SLC15A2: variants seen among roughly 807,000 people sequenced by gnomAD.
SLC15A2 encodes kidney H(+)/peptide cotransporter.
In SLC15A2, 77 loss-of-function variants were observed where a neutral mutation model predicts 95.5. The ratio of observed to expected loss-of-function variants is 0.81; its 90% CI spans 0.67 to 0.97. The LOEUF is 0.97. Among genes scored for constraint, SLC15A2 ranks in the 50% least tolerant of loss-of-function variants. The probability of loss-of-function intolerance (pLI) is 0.00; values close to 1 mark genes in which losing one functional copy is unlikely to be tolerated. For missense variants in SLC15A2, 893 were observed against 874.4 expected, an observed-to-expected ratio of 1.02 and a Z score of -0.27; for synonymous variants, 306 against 306.9, an observed-to-expected ratio of 1.00 and a Z score of 0.03.
chr3:121,940,552 C>G (rs899351654), intron 21 of SLC15A2, 64 bp downstream of exon 21: 4 of 1,328,346 alleles, frequency 3.0e-6, no homozygotes, highest in African/African-American at 2.9e-5. Flanking sequence ...TTCTCTTCTC[C>G]CTTTCCCCCA....
At chr3:121,931,406 T>G (rs1399362178) in intron 18 of SLC15A2, among the ~76,000 whole-genome samples, 1 of 152,234 alleles carries the variant, frequency 6.6e-6, no homozygotes, top group Non-Finnish European at 1.5e-5. Context: ...TGTAACTTCT[T>G]TATTTAGGTT....
rs778884331 is a variant in SLC15A2 at position 121,896,466 on chromosome 3, G to A, written c.166G>A (p.Glu56Lys). Residue 56 changes from glutamate to lysine, a missense_variant, in exon 2 of 22, where the codon GAG (glutamate) becomes AAG (lysine). Coordinates refer to ENST00000489711, the MANE Select transcript of SLC15A2 (RefSeq NM_021082.4). ...IAFIVVNEFC[E>K]RFSYYGMKAV... ...CTTCATTGTGGTGAATGAATTCTGC[G>A]AGCGCTTTTCCTATTATGGAATGAA... is the stretch of plus-strand genomic sequence containing the variant. 40 of 1,613,886 alleles carry A rather than the reference G, an allele frequency of 2.5e-5. No homozygotes were observed. Among genetic ancestry groups the A allele is most frequent in the African/African-American group, 1.1e-4 (8 of 74,886 alleles).
chr3:121,913,286 A>C (rs925989531), intron 5 of SLC15A2, among the ~76,000 whole-genome samples, 166 bp downstream of exon 5: 2 of 152,242 alleles, frequency 1.3e-5, no homozygotes, highest in African/African-American at 4.8e-5. Flanking sequence ...GAAAACTGAA[A>C]CAGTTTCAAA....
rs888918886 is a variant in SLC15A2 at position 121,931,705 on chromosome 3, T to C, written c.1731T>C (p.Phe577=). 7 of 1,612,898 alleles carry C rather than the reference T, an allele frequency of 4.3e-6. No individual in the cohort carries two copies. The highest frequency in any genetic ancestry group is 5.9e-6 in the Non-Finnish European group (7 of 1,178,928). ...CTCTGAATTTGGGTCTTCTAGACTTTGGTGCAGCATATCTGTTTGTTATTA... is the reference window on the plus strand; with the variant it reads ...CTCTGAATTTGGGTCTTCTAGACTTCGGTGCAGCATATCTGTTTGTTATTA... ...NFSLNLGLLD[F]GAAYLFVITN... is the part of the protein sequence containing the mutation. Residue 577 remains phenylalanine, a synonymous_variant, in exon 19 of 22, where the codon TTT becomes TTC. Coordinates refer to ENST00000489711, the MANE Select transcript of SLC15A2 (RefSeq NM_021082.4).
intron 21 of SLC15A2, 141 bp from the exon 22 acceptor site, chr3:121,940,690 C>A: frequency 1.1e-6 from 1 of 904,126 alleles, no homozygotes; most frequent in Non-Finnish European, 1.7e-6. Flanking sequence ...TGAGGAGAGG[C>A]CAGTGAACCC....
At chr3:121,930,149 T>A (rs1451766044) in intron 17 of SLC15A2, among the ~76,000 whole-genome samples, 1 of 152,174 alleles carries the variant, frequency 6.6e-6, no homozygotes. Context: ...AGTCTAGGAA[T>A]CAACATTCAG....
chr3:121,923,294 T>A (rs758031174), intron 11 of SLC15A2, 28 bp downstream of exon 11: 108 of 1,599,288 alleles, frequency 6.8e-5, no homozygotes, highest in Non-Finnish European at 9.0e-5. Flanking sequence ...TCCAGAGAAG[T>A]CTATTATTTT....
intron 7 of SLC15A2, among the ~76,000 whole-genome samples, chr3:121,916,532 C>T (rs890318325): frequency 6.6e-6 from 1 of 152,156 alleles, no homozygotes; most frequent in Non-Finnish European, 1.5e-5. Flanking sequence ...GATAGTAGTA[C>T]TCAGAATTCC....
chr3:121,901,591 T>G (rs1257785252), intron 3 of SLC15A2, among the ~76,000 whole-genome samples: 1 of 152,132 alleles, frequency 6.6e-6, no homozygotes, highest in Non-Finnish European at 1.5e-5. Context: ...GTCATGTTTG[T>G]GTGTGTGTGC....
At chr3:121,924,527 A>G (rs1403491964) in intron 12 of SLC15A2, 144 bp downstream of exon 12, 26 of 768,498 alleles carry the variant, frequency 3.4e-5, no homozygotes, top group South Asian at 3.2e-4. Flanking sequence ...AAACATTCCC[A>G]TTAAGCCCCA....
At chr3:121,911,969 TA>T (rs764964659) in intron 4 of SLC15A2, among the ~76,000 whole-genome samples, 7 of 152,018 alleles carry the variant, frequency 4.6e-5, no homozygotes, top group African/African-American at 1.4e-4. Context: ...TTACCAGGGT[TA>T]AAAAAAACTC....
chr3:121,918,105 G>A (rs1477695350), intron 7 of SLC15A2, among the ~76,000 whole-genome samples: 1 of 152,158 alleles, frequency 6.6e-6, no homozygotes, highest in Non-Finnish European at 1.5e-5. Flanking sequence ...GATTGTGTTG[G>A]AGTGAGGCAA....
chr3:121,923,067 C>T lies in SLC15A2; in HGVS notation c.895C>T (p.Leu299=), dbSNP rs35052327. 49 of 1,613,920 alleles carry T rather than the reference C, an allele frequency of 3.0e-5. No individual in the cohort carries two copies. In the African/African-American group the frequency reaches 5.1e-4, roughly 17 times the overall value. The change falls in exon 10 of 22, where the codon CTG becomes TTG. Residue 299 remains leucine (L), a synonymous_variant. Transcript: ENST00000489711. The part of the protein sequence containing the change: ...PKQLIMDVKA[L]TRVLFLYIPL... ...GCAGCTCATTATGGATGTAAAGGCA[C>T]TGACCAGGGTACTATTCCTTTATAT... is the stretch of plus-strand genomic sequence containing the variant.
chr3:121,901,303 C>A (rs773363119), intron 3 of SLC15A2, among the ~76,000 whole-genome samples: 13 of 152,176 alleles, frequency 8.5e-5, no homozygotes, highest in African/African-American at 1.2e-4. Flanking sequence ...AAGTGTGAGC[C>A]ACTGTGCCCG....
rs1559856968 is a variant in SLC15A2 at position 121,940,867 on chromosome 3, GTGATCTGCC to G, written c.2057_2065del (p.Cys686_Ile688del). ...CATTTTGTTTTCCTGCCTCCTGCTG[GTGATCTGCC>G]TGATCTTCTCCATCATGGGCTACTA... On this transcript the variant is annotated inframe_deletion, in exon 22 of 22. Transcript: ENST00000489711. 1 of 1,613,454 alleles carries G rather than the reference GTGATCTGCC, an allele frequency of 6.2e-7. No homozygotes were observed. The highest frequency in any genetic ancestry group is 1.7e-5 in the Admixed American group (1 of 59,854).
intron 13 of SLC15A2, 189 bp from the exon 14 acceptor site, chr3:121,927,569 G>C (rs1347884479): frequency 1.9e-6 from 1 of 515,830 alleles, no homozygotes; most frequent in African/African-American, 1.9e-5. Flanking sequence ...CCAGCACTGT[G>C]CTTCCTGTAA....
At chr3:121,915,070 T>A in intron 5 of SLC15A2, 157 bp from the exon 6 acceptor site, 1 of 1,177,718 alleles carries the variant, frequency 8.5e-7, no homozygotes, top group Non-Finnish European at 1.1e-6. Context: ...CAGCCAGCAA[T>A]GTTTTTAAAT....
intron 19 of SLC15A2, among the ~76,000 whole-genome samples, chr3:121,938,445 G>T (rs1446979175): frequency 6.6e-6 from 1 of 152,240 alleles, no homozygotes; most frequent in East Asian, 1.9e-4. Context: ...CTCCCAGCCA[G>T]GTGTGGGATA....
intron 1 of SLC15A2, 67 bp downstream of exon 1, chr3:121,894,648 G>C (rs1709385523): frequency 2.5e-6 from 3 of 1,210,482 alleles, no homozygotes; most frequent in Middle Eastern, 1.9e-4. Context: ...TCTTCCTTGG[G>C]CTCTGGAGCT....
Sources: allele counts gnomAD v4.1 joint callset (sites outside exome capture counted in the v4.1 genomes callset), GRCh38; gene constraint gnomAD v4.1.1; transcripts MANE v1.5; gene names NCBI Gene and HGNC (gene_info 2026-07-23, HGNC 2026-07-21).